Variants in HTR7 observed in about 807,000 individuals in gnomAD.
HTR7 encodes the protein 5-hydroxytryptamine receptor 7.
Under a neutral mutation model 34.0 loss-of-function variants are expected in HTR7, and 16 were observed. The observed-to-expected ratio is 0.47, with a 90% CI of 0.32 to 0.71. The LOEUF (loss-of-function observed/expected upper bound fraction) is 0.71. Among genes scored for constraint, HTR7 ranks in the 30% least tolerant of loss-of-function variants. The probability of loss-of-function intolerance (pLI) is 0.04; values close to 1 mark genes in which losing one functional copy is unlikely to be tolerated. For synonymous variants in HTR7, 265 were observed against 260.2 expected, an observed-to-expected ratio of 1.02 and a Z score of -0.18; for missense variants, 504 against 625.5, an observed-to-expected ratio of 0.81 and a Z score of 2.07.
chr10:90,745,900 A>G (rs373372295), intron 2 of HTR7, among the ~76,000 whole-genome samples: 74 of 152,340 alleles, frequency 4.9e-4, no homozygotes, highest in African/African-American at 1.8e-3. Flanking sequence ...TCACAGTTAA[A>G]GTTTGCTGAC....
chr10:90,747,160 A>C (rs934500287), intron 2 of HTR7, among the ~76,000 whole-genome samples: 1 of 152,222 alleles, frequency 6.6e-6, no homozygotes, highest in Non-Finnish European at 1.5e-5. Flanking sequence ...GGGATGCTAG[A>C]AGCACCTATT....
chr10:90,834,457 C>A (rs1204076938), intron 1 of HTR7, among the ~76,000 whole-genome samples: 2 of 152,178 alleles, frequency 1.3e-5, no homozygotes, highest in Non-Finnish European at 2.9e-5. Context: ...ACTGCAAAAC[C>A]TTGCGGCTTA....
At chr10:90,856,584 T>C (rs1307985626) in intron 1 of HTR7, among the ~76,000 whole-genome samples, 2 of 152,114 alleles carry the variant, frequency 1.3e-5, no homozygotes, top group Admixed American at 6.5e-5. Context: ...TTACCAAACA[T>C]TGAAACCAGA....
intron 1 of HTR7, among the ~76,000 whole-genome samples, chr10:90,825,715 G>A (rs950029661): frequency 6.6e-6 from 1 of 152,150 alleles, no homozygotes; most frequent in Non-Finnish European, 1.5e-5. Flanking sequence ...TTGACATACT[G>A]AAGAATGCAT....
At chr10:90,815,615 A>T (rs1371494542) in intron 1 of HTR7, among the ~76,000 whole-genome samples, 1 of 152,188 alleles carries the variant, frequency 6.6e-6, no homozygotes, top group African/African-American at 2.4e-5. Context: ...TAGCTAATGA[A>T]CACTGGGCTT....
intron 2 of HTR7, chr10:90,744,060 A>C: frequency 2.6e-6 from 1 of 385,548 alleles, no homozygotes; most frequent in East Asian, 7.1e-5. Flanking sequence ...AGAGCCAAGA[A>C]GGCAGAGCAA....
chr10:90,811,420 C>A (rs1468017065), intron 1 of HTR7, among the ~76,000 whole-genome samples: 1 of 151,754 alleles, frequency 6.6e-6, no homozygotes, highest in Non-Finnish European at 1.5e-5. Flanking sequence ...CTCTCTGATC[C>A]ACCTGACGTT....
intron 1 of HTR7, among the ~76,000 whole-genome samples, chr10:90,836,846 A>C (rs1774292841): frequency 6.6e-6 from 1 of 152,216 alleles, no homozygotes; most frequent in Non-Finnish European, 1.5e-5. Context: ...CATTAACTCT[A>C]CAGTGATATT....
intron 2 of HTR7, among the ~76,000 whole-genome samples, chr10:90,748,231 C>T (rs1415974090): frequency 1.3e-5 from 2 of 152,056 alleles, no homozygotes; most frequent in Non-Finnish European, 2.9e-5. Context: ...AACCCCTGGG[C>T]TCAAGCTATC....
At chr10:90,814,453 C>T (rs777867680) in intron 1 of HTR7, among the ~76,000 whole-genome samples, 52 of 152,286 alleles carry the variant, frequency 3.4e-4, no homozygotes, top group Non-Finnish European at 6.2e-4. Flanking sequence ...GTTTCAGCTT[C>T]CCCTCATGGG....
chr10:90,788,187 A>T (rs1845409979), intron 1 of HTR7, among the ~76,000 whole-genome samples: 1 of 152,120 alleles, frequency 6.6e-6, no homozygotes, highest in Non-Finnish European at 1.5e-5. Context: ...ACTCAGGTAA[A>T]CATCTTCATG....
intron 1 of HTR7, among the ~76,000 whole-genome samples, chr10:90,790,571 T>C (rs1303523695): frequency 2.0e-5 from 3 of 152,178 alleles, no homozygotes; most frequent in South Asian, 2.1e-4. Flanking sequence ...AATCCGTTAA[T>C]TGACTCTCTA....
intron 1 of HTR7, among the ~76,000 whole-genome samples, chr10:90,829,809 T>C (rs905253811): frequency 3.3e-5 from 5 of 152,158 alleles, no homozygotes; most frequent in African/African-American, 4.8e-5. Context: ...CAGAAATCAG[T>C]AGCATTTCTA....
intron 1 of HTR7, among the ~76,000 whole-genome samples, chr10:90,806,516 G>A (rs1159999956): frequency 6.6e-5 from 10 of 152,106 alleles, no homozygotes; most frequent in East Asian, 5.8e-4. Flanking sequence ...GGAGAATGGC[G>A]TGAACCCGGG....
At chr10:90,787,554 C>T (rs535633919) in intron 1 of HTR7, among the ~76,000 whole-genome samples, 23 of 151,984 alleles carry the variant, frequency 1.5e-4, no homozygotes, top group Non-Finnish European at 3.2e-4. Flanking sequence ...GACTTACGTG[C>T]TGGTAGCTGT....
intron 1 of HTR7, among the ~76,000 whole-genome samples, chr10:90,823,149 G>C (rs1846013940): frequency 6.6e-6 from 1 of 152,214 alleles, no homozygotes; most frequent in African/African-American, 2.4e-5. Context: ...TGTTAGAAGA[G>C]GGCCACTGTC....
intron 1 of HTR7, among the ~76,000 whole-genome samples, chr10:90,770,649 C>T (rs1845094720): frequency 6.6e-6 from 1 of 152,238 alleles, no homozygotes; most frequent in South Asian, 2.1e-4. Flanking sequence ...CACTGACATG[C>T]CAGCCCCCTG....
chr10:90,827,458 T>C (rs1846096143), intron 1 of HTR7, among the ~76,000 whole-genome samples: 1 of 152,044 alleles, frequency 6.6e-6, no homozygotes, highest in South Asian at 2.1e-4. Context: ...ACAGACCCAG[T>C]GTTCTGTTGC....
At chr10:90,799,198 G>A (rs1845585613) in intron 1 of HTR7, among the ~76,000 whole-genome samples, 1 of 151,974 alleles carries the variant, frequency 6.6e-6, no homozygotes, top group Non-Finnish European at 1.5e-5. Flanking sequence ...TTCATCTCTG[G>A]CCCAACCAAT....
Sources: allele counts gnomAD v4.1 joint callset (sites outside exome capture counted in the v4.1 genomes callset), GRCh38; gene constraint gnomAD v4.1.1; transcripts MANE v1.5; gene names NCBI Gene and HGNC (gene_info 2026-07-23, HGNC 2026-07-21).